Variants in TNS1 observed in about 807,000 individuals in gnomAD.
The protein encoded by TNS1 is tensin-1.
Under a neutral mutation model 168.6 loss-of-function variants are expected in TNS1, and 62 were observed. The observed-to-expected ratio is 0.37, with a 90% CI of 0.30 to 0.45. The LOEUF is 0.45. Ranked by LOEUF, TNS1 falls within the 20% of genes least tolerant of loss-of-function variation. TNS1 has a pLI of 1.00. For missense variants in TNS1, 2,240 were observed against 2,339.4 expected (o/e 0.96, Z 0.88); for synonymous variants, 934 against 933.2 (o/e 1.00, Z -0.02).
intron 6 of TNS1, among the ~76,000 whole-genome samples, chr2:217,903,140 A>G (rs1275331552): frequency 2.6e-5 from 4 of 152,194 alleles, no homozygotes; most frequent in Non-Finnish European, 5.9e-5. Flanking sequence ...CTGGGCCTCC[A>G]ATCTTCATGC....
At chr2:217,812,973 T>G (rs933480892) in intron 27 of TNS1, among the ~76,000 whole-genome samples, 4 of 152,230 alleles carry the variant, frequency 2.6e-5, no homozygotes, top group Admixed American at 1.3e-4. Context: ...TTACCATTGT[T>G]ACTCCAGTTA....
At chr2:217,874,764 T>C (rs957586794) in intron 18 of TNS1, among the ~76,000 whole-genome samples, 11 of 152,378 alleles carry the variant, frequency 7.2e-5, no homozygotes, top group Middle Eastern at 3.4e-3. Flanking sequence ...TCACATTTCA[T>C]GTATATTACC....
intron 9 of TNS1, among the ~76,000 whole-genome samples, chr2:217,894,528 G>A (rs928703722): frequency 2.0e-5 from 3 of 152,104 alleles, no homozygotes; most frequent in Non-Finnish European, 4.4e-5. Context: ...ATGGTAGCAC[G>A]TGCCTGTAGT....
chr2:218,014,886 A>C (rs868211236), upstream of TNS1, among the ~76,000 whole-genome samples: 1 of 138,122 alleles, frequency 7.2e-6, no homozygotes, highest in Non-Finnish European at 1.6e-5. Context: ...GAAGGAAGGA[A>C]GGAAGGAAGG....
intron 4 of TNS1, among the ~76,000 whole-genome samples, chr2:217,916,249 T>C (rs138699305): frequency 1.7e-4 from 26 of 152,200 alleles, no homozygotes; most frequent in African/African-American, 6.3e-4. Flanking sequence ...AATCCAAGCA[T>C]GATTTCCTAC....
At chr2:218,023,886 CCCCT>C (rs1310933647) in intron 1 of TNS1, among the ~76,000 whole-genome samples, 3 of 151,990 alleles carry the variant, frequency 2.0e-5, no homozygotes, top group African/African-American at 7.3e-5. Context: ...CTGAAACAGC[CCCCT>C]CCCCCTACAC....
At chr2:217,929,004 A>C (rs931624224) in intron 3 of TNS1, among the ~76,000 whole-genome samples, 7 of 152,348 alleles carry the variant, frequency 4.6e-5, no homozygotes, top group Admixed American at 6.5e-5. Flanking sequence ...GAGGCAGGGA[A>C]GAGCAGGTGT....
Position 217,897,939 on chromosome 2 carries a change from G to A in TNS1, c.402C>T (p.Asp134=). The change falls in exon 8 of 33, where the codon GAC becomes GAT. Residue 134 remains aspartate (D), a synonymous_variant. Transcript: ENST00000682258. ...RNMSVSRTME[D]SCELDLVYVT... is the part of the protein sequence containing the mutation. ...CGTACACCAGGTCCAGCTCACAGCTGTCCTCCATGGTCCGGCTCACACTCA... is the reference window on the plus strand; with the variant it reads ...CGTACACCAGGTCCAGCTCACAGCTATCCTCCATGGTCCGGCTCACACTCA... 1 of 1,610,940 alleles carries A rather than the reference G, an allele frequency of 6.2e-7. No homozygotes were observed. The highest frequency in any genetic ancestry group is 1.1e-5 in the South Asian group (1 of 90,514).
intron 32 of TNS1, among the ~76,000 whole-genome samples, chr2:217,806,306 T>G (rs1397613737): frequency 6.6e-6 from 1 of 152,246 alleles, no homozygotes; most frequent in Non-Finnish European, 1.5e-5. Context: ...GCTTGCAAGA[T>G]CCCAAGATCT....
chr2:218,002,939 G>C lies in TNS1; in HGVS notation c.-67C>G, dbSNP rs1183456290. The C allele has an allele frequency of 8.8e-6, 4 of 456,264 alleles. No individual in the cohort carries two copies. Among genetic ancestry groups the C allele is most frequent in the Non-Finnish European group, 1.3e-5 (3 of 226,902 alleles). The allele number at this position is 456,264 out of a possible 1,614,324, so 28.3% of individuals were successfully genotyped here. A position where few individuals can be genotyped will look rare whatever the true frequency, so the allele number is the denominator to read the frequency against. On this transcript the variant is annotated 5_prime_UTR_variant, in exon 1 of 33. Coordinates refer to ENST00000682258, the MANE Select transcript of TNS1 (RefSeq NM_001387777.1). ...AAGAGCCCCTGAAGCTAGAGTCCCCGCGGCGCTGGCAGAAGGGCTCTCTGA... is the reference window on the plus strand; with the variant it reads ...AAGAGCCCCTGAAGCTAGAGTCCCCCCGGCGCTGGCAGAAGGGCTCTCTGA...
chr2:217,912,519 T>A (rs1954544825), intron 4 of TNS1, among the ~76,000 whole-genome samples: 1 of 152,170 alleles, frequency 6.6e-6, no homozygotes, highest in Admixed American at 6.5e-5. Context: ...ACCATCGCAC[T>A]GCCTATCAAG....
Position 217,820,199 on chromosome 2 carries a change from G to T in TNS1, c.3573-1440C>A, listed in dbSNP as rs1216787482. Among the ~76,000 whole-genome samples the T allele has an allele frequency of 3.3e-5, 5 of 152,284 alleles. No individual in the cohort carries two copies. In the East Asian group the frequency reaches 9.7e-4, roughly 29 times the overall value. On this transcript the variant is annotated intron_variant, in intron 23 of 32. Transcript: ENST00000682258. Reference sequence around the variant, plus strand: ...TGGAAGGCTAATCCCAGGGGAGAAAGGCTAGCTTCCTGGAAAGGGCCAACA... The same window carrying T: ...TGGAAGGCTAATCCCAGGGGAGAAATGCTAGCTTCCTGGAAAGGGCCAACA...
exon 1 of TNS1, chr2:218,010,227 A>G: frequency 2.5e-6 from 1 of 398,610 alleles, no homozygotes. Flanking sequence ...CTGGGGCGCG[A>G]GGGTCGGAAG....
At chr2:217,941,704 C>T (rs771229807) in intron 3 of TNS1, among the ~76,000 whole-genome samples, 1 of 152,172 alleles carries the variant, frequency 6.6e-6, no homozygotes, top group Non-Finnish European at 1.5e-5. Context: ...CCCAGGAATC[C>T]TTCCAAGCCC....
chr2:217,867,162 T>C (rs925902426), intron 18 of TNS1, among the ~76,000 whole-genome samples: 3 of 152,158 alleles, frequency 2.0e-5, no homozygotes, highest in African/African-American at 7.2e-5. Context: ...TCTCACATAT[T>C]GGGGGGTGCA....
intron 1 of TNS1, among the ~76,000 whole-genome samples, chr2:217,992,119 C>T (rs1958382949): frequency 6.6e-6 from 1 of 151,946 alleles, no homozygotes; most frequent in African/African-American, 2.4e-5. Flanking sequence ...TTGGGCCCCA[C>T]TGCGGGGCAG....
intron 3 of TNS1, among the ~76,000 whole-genome samples, chr2:217,922,566 C>G (rs556516385): frequency 1.1e-3 from 166 of 152,308 alleles, no homozygotes; most frequent in African/African-American, 3.7e-3. Flanking sequence ...CATTTAGAAG[C>G]TGGGGATTGG....
At chr2:217,912,502 C>T (rs1281898586) in intron 4 of TNS1, among the ~76,000 whole-genome samples, 9 of 152,306 alleles carry the variant, frequency 5.9e-5, no homozygotes, top group Middle Eastern at 3.4e-3. Context: ...CAATGAACTG[C>T]GAGGTCACCA....
At position 217,813,699 on chromosome 2, in the gene TNS1, T is replaced by G. The variant is rs202014996; in HGVS notation, c.4847A>C (p.Gln1616Pro). The part of the protein sequence containing the change: ...KVSSPPPTIM[Q>P]QNKKGDMTHE... ...GATGAGGTTACCTTTTTTATTCTGC[T>G]GCATGATGGTTGGAGGTGGCGAAGA... Residue 1616 changes from glutamine (Q) to proline (P), a missense_variant, in exon 26 of 33, where the codon CAG becomes CCG. Transcript: ENST00000682258. The surrounding 1 kb of genome is among the most constrained non-coding windows in gnomAD (Gnocchi z 4.0). 9 of 1,611,426 alleles carry G rather than the reference T, an allele frequency of 5.6e-6. No individual in the cohort carries two copies. The East Asian group carries it at 1.8e-4, about 32-fold the overall frequency.
Sources: allele counts gnomAD v4.1 joint callset (sites outside exome capture counted in the v4.1 genomes callset), GRCh38; gene constraint gnomAD v4.1.1; non-coding constraint Gnocchi (gnomAD v3.1); transcripts MANE v1.5; gene names NCBI Gene and HGNC (gene_info 2026-07-23, HGNC 2026-07-21).